The following MIPEP variants were observed in gnomAD, a reference collection of about 807,000 sequenced individuals.
The protein encoded by MIPEP is mitochondrial intermediate peptidase.
Under a neutral mutation model 90.3 loss-of-function variants are expected in MIPEP, and 79 were observed. That is an observed-to-expected ratio of 0.87 (90% CI 0.73 to 1.05). The LOEUF (loss-of-function observed/expected upper bound fraction) is 1.05. Among genes scored for constraint, MIPEP ranks in the 50% least tolerant of loss-of-function variants. The pLI is 0.00. For synonymous variants in MIPEP, 334 were observed against 315.8 expected (o/e 1.06, Z -0.61); for missense variants, 940 against 905.6 (o/e 1.04, Z -0.49).
chr13:23,777,127 G>A (rs1021122512), intron 16 of MIPEP, among the ~76,000 whole-genome samples: 2 of 152,180 alleles, frequency 1.3e-5, no homozygotes, highest in African/African-American at 2.4e-5. Flanking sequence ...GGGTGATCTC[G>A]TGGCTTATTC....
intron 14 of MIPEP, among the ~76,000 whole-genome samples, chr13:23,810,574 A>G (rs1168140715): frequency 6.6e-6 from 1 of 152,254 alleles, no homozygotes; most frequent in Non-Finnish European, 1.5e-5. Context: ...AACTTTCCTC[A>G]ATCTTACTCT....
At chr13:23,842,672 A>C (rs538610137) in intron 10 of MIPEP, 2 of 152,508 alleles carry the variant, frequency 1.3e-5, no homozygotes, top group South Asian at 4.1e-4. Context: ...TGCAGTGGGC[A>C]CACGGCTGGC....
At chr13:23,836,371 AG>A in intron 13 of MIPEP, 22 bp from the exon 14 acceptor site, 1 of 1,415,008 alleles carries the variant, frequency 7.1e-7, no homozygotes, top group Non-Finnish European at 9.6e-7. Flanking sequence ...AAAAAAAAAA[AG>A]TTGGCATGAA....
chr13:23,872,308 A>C (rs955426221), intron 5 of MIPEP, among the ~76,000 whole-genome samples: 2 of 152,182 alleles, frequency 1.3e-5, no homozygotes, highest in African/African-American at 4.8e-5. Context: ...CCAAAAATAC[A>C]AAATTAGCTG....
chr13:23,888,798 G>A, intron 1 of MIPEP: 1 of 1,043,066 alleles, frequency 9.6e-7, no homozygotes, highest in South Asian at 4.7e-5. Context: ...GCTTTAGCAG[G>A]GGTGCGCCTG....
At chr13:23,774,036 C>G (rs1291184067) in intron 16 of MIPEP, among the ~76,000 whole-genome samples, 1 of 152,154 alleles carries the variant, frequency 6.6e-6, no homozygotes, top group Non-Finnish European at 1.5e-5. Context: ...CCTATGTTTT[C>G]TTCTAGGAAT....
chr13:23,804,661 G>A (rs534440290), intron 16 of MIPEP, among the ~76,000 whole-genome samples: 2 of 152,222 alleles, frequency 1.3e-5, no homozygotes, highest in Non-Finnish European at 2.9e-5. Flanking sequence ...ATGACAAGAG[G>A]TATTATGAAG....
chr13:23,840,582 G>A (rs141322437), intron 11 of MIPEP, among the ~76,000 whole-genome samples: 1 of 152,286 alleles, frequency 6.6e-6, no homozygotes, highest in African/African-American at 2.4e-5. Context: ...GTAAATCAAT[G>A]CAGTGATGAA....
rs2137515942 is a variant in MIPEP at position 23,869,381 on chromosome 13, A to G, written c.854T>C (p.Leu285Ser). ...NAGQLKCLEE[L>S]LSSRDLLAKL... ...TGCCAGAAGATCTCTGCTGCTGAGCAATTCTTCTAAACATTTCAATTGACC... is the reference window on the plus strand; with the variant it reads ...TGCCAGAAGATCTCTGCTGCTGAGCGATTCTTCTAAACATTTCAATTGACC... The change falls in exon 7 of 19, where the codon TTG (leucine) becomes TCG (serine). Residue 285 changes from leucine (L) to serine (S), a missense_variant. Transcript: ENST00000382172. The G allele has an allele frequency of 6.2e-7, 1 of 1,613,634 alleles. No individual in the cohort carries two copies. Among genetic ancestry groups the G allele is most frequent in the East Asian group, 2.2e-5 (1 of 44,866 alleles).
intron 14 of MIPEP, among the ~76,000 whole-genome samples, chr13:23,833,557 A>C (rs1035089460): frequency 6.6e-6 from 1 of 152,282 alleles, no homozygotes; most frequent in East Asian, 1.9e-4. Flanking sequence ...ACATCTTCTT[A>C]CAGAATAATT....
At chr13:23,877,197 A>C (rs1352355933) in intron 4 of MIPEP, among the ~76,000 whole-genome samples, 2 of 152,240 alleles carry the variant, frequency 1.3e-5, no homozygotes, top group East Asian at 3.8e-4. Context: ...TTTAAGTAAC[A>C]ATAAAAAAAT....
intron 16 of MIPEP, chr13:23,760,526 A>G: frequency 1.7e-6 from 1 of 571,794 alleles, no homozygotes; most frequent in Non-Finnish European, 3.5e-6. Flanking sequence ...CCCTTGCCCA[A>G]ACTCACTGGT....
intron 16 of MIPEP, among the ~76,000 whole-genome samples, chr13:23,796,876 A>G (rs1952968894): frequency 6.6e-6 from 1 of 152,210 alleles, no homozygotes; most frequent in Admixed American, 6.5e-5. Context: ...TAACATGGGA[A>G]GCCCTCAAAT....
At chr13:23,753,237 A>T (rs1307660303) in intron 18 of MIPEP, among the ~76,000 whole-genome samples, 4 of 151,140 alleles carry the variant, frequency 2.6e-5, no homozygotes, top group Admixed American at 2.0e-4. Flanking sequence ...AAAAAAAAAA[A>T]AAATAATAAT....
chr13:23,848,789 A>G (rs935542922), intron 10 of MIPEP, among the ~76,000 whole-genome samples: 5 of 152,218 alleles, frequency 3.3e-5, no homozygotes, highest in African/African-American at 1.2e-4. Flanking sequence ...CAGCTGCCTC[A>G]GCCATCCAGA....
chr13:23,814,478 G>T (rs1242818868), intron 14 of MIPEP, among the ~76,000 whole-genome samples: 1 of 151,816 alleles, frequency 6.6e-6, no homozygotes, highest in African/African-American at 2.4e-5. Context: ...AACCAGGATG[G>T]TCTCGATCTC....
chr13:23,785,200 T>C (rs1393553609), intron 16 of MIPEP, among the ~76,000 whole-genome samples: 1 of 152,154 alleles, frequency 6.6e-6, no homozygotes, highest in Non-Finnish European at 1.5e-5. Flanking sequence ...GTATGTTTAT[T>C]GCGGCACTAT....
chr13:23,761,645 A>C (rs1236909367), intron 16 of MIPEP, among the ~76,000 whole-genome samples: 2 of 152,226 alleles, frequency 1.3e-5, no homozygotes, highest in Non-Finnish European at 2.9e-5. Context: ...GGGCTATGCA[A>C]GCACGGCACA....
chr13:23,807,698 C>A (rs1313454241), intron 15 of MIPEP, among the ~76,000 whole-genome samples: 2 of 152,152 alleles, frequency 1.3e-5, no homozygotes, highest in East Asian at 1.9e-4. Flanking sequence ...CAATGTCTTA[C>A]CTATATTCTA....
Sources: gnomAD v4.1 joint callset for allele counts (sites outside exome capture counted in the v4.1 genomes callset) on GRCh38, gnomAD v4.1.1 for gene constraint, MANE v1.5 for transcripts, NCBI Gene and HGNC (gene_info 2026-07-23, HGNC 2026-07-21) for gene names.